Variants in MAMLD1 observed in about 807,000 individuals in gnomAD.
The protein encoded by MAMLD1 is mastermind-like domain-containing protein 1.
Under a neutral mutation model 45.0 loss-of-function variants are expected in MAMLD1, and 14 were observed. The ratio of observed to expected loss-of-function variants is 0.31; its 90% CI spans 0.21 to 0.49. MAMLD1 has a LOEUF of 0.49. MAMLD1 is among the 20% of genes least tolerant of loss of function. The pLI is 0.99. For missense variants in MAMLD1, 543 were observed against 603.6 expected, an observed-to-expected ratio of 0.90 and a Z score of 1.05; for synonymous variants, 254 against 247.8, an observed-to-expected ratio of 1.02 and a Z score of -0.24.
At chrX:150,395,005 C>T (rs1338232132) in intron 1 of MAMLD1, among the ~76,000 whole-genome samples, 5 of 111,964 alleles carry the variant, frequency 4.5e-5, no homozygotes, top group Admixed American at 1.9e-4. Context: ...ACATACTTGC[C>T]TTGTTCCCAA....
At chrX:150,451,104 C>T (rs1412113399) in intron 2 of MAMLD1, among the ~76,000 whole-genome samples, 3 of 112,707 alleles carry the variant, frequency 2.7e-5, no homozygotes, top group African/African-American at 9.7e-5. Flanking sequence ...GCTTGGTAAA[C>T]CAGTGACCTG....
upstream of MAMLD1, among the ~76,000 whole-genome samples, chrX:150,361,969 C>A (rs896822743): frequency 1.3e-4 from 15 of 112,897 alleles, no homozygotes; most frequent in African/African-American, 4.2e-4. Flanking sequence ...GACTGGCCAG[C>A]GAGCCTGGAC....
chrX:150,404,383 A>G (rs1194993483), intron 1 of MAMLD1, among the ~76,000 whole-genome samples: 1 of 111,877 alleles, frequency 8.9e-6, no homozygotes, highest in Non-Finnish European at 1.9e-5. Flanking sequence ...ATTCTCACCC[A>G]GAAAGCTAAG....
chrX:150,445,709 G>A (rs1196321316), intron 2 of MAMLD1, 97 bp downstream of exon 2: 3 of 641,974 alleles, frequency 4.7e-6, no homozygotes, highest in East Asian at 3.5e-5. Context: ...TGCAAACTTG[G>A]TGGCAGGGAT....
chrX:150,365,122 C>T (rs1341700438), intron 1 of MAMLD1, among the ~76,000 whole-genome samples: 1 of 109,243 alleles, frequency 9.2e-6, no homozygotes, highest in African/African-American at 3.3e-5. Context: ...CCCCCGCCGC[C>T]GCCGCCGCCA....
chrX:150,406,853 C>G (rs2124529864), intron 1 of MAMLD1, among the ~76,000 whole-genome samples: 1 of 111,572 alleles, frequency 9.0e-6, no homozygotes, highest in Admixed American at 9.5e-5. Context: ...AAAGCTTCTT[C>G]TCAGCCATTT....
intron 5 of MAMLD1, among the ~76,000 whole-genome samples, chrX:150,499,642 T>C (rs2037493605): frequency 1.8e-5 from 2 of 111,449 alleles, no homozygotes; most frequent in Non-Finnish European, 3.8e-5. Flanking sequence ...GGTTGCTTGG[T>C]TTCTAGCTTG....
At chrX:150,420,816 C>G (rs1190554949) in intron 1 of MAMLD1, among the ~76,000 whole-genome samples, 4 of 110,968 alleles carry the variant, frequency 3.6e-5, no homozygotes, top group African/African-American at 1.0e-4. Context: ...CAGCTGTGTG[C>G]TGGGAGAACC....
chrX:150,408,758 C>T (rs1410466901), intron 1 of MAMLD1, among the ~76,000 whole-genome samples: 8 of 111,888 alleles, frequency 7.2e-5, no homozygotes, highest in Non-Finnish European at 7.5e-5. Flanking sequence ...TCAGGGCCAA[C>T]GCGGGGGAGT....
intron 6 of MAMLD1, chrX:150,509,635 G>A (rs1449658321): frequency 1.8e-5 from 5 of 271,506 alleles, no homozygotes; most frequent in South Asian, 1.2e-4. Flanking sequence ...TTTGGTGACC[G>A]CATCTCACTG....
At chrX:150,485,916 C>T (rs1438036393) in intron 5 of MAMLD1, among the ~76,000 whole-genome samples, 5 of 111,718 alleles carry the variant, frequency 4.5e-5, no homozygotes, top group African/African-American at 1.6e-4. Flanking sequence ...CATTAAAAAT[C>T]GGGTGTTTTT....
At chrX:150,363,626 G>A (rs1277790295) in intron 1 of MAMLD1, 96 bp downstream of exon 1, 5 of 112,300 alleles carry the variant, frequency 4.5e-5, no homozygotes, top group Admixed American at 1.9e-4. Flanking sequence ...TGAGGATCGG[G>A]GTCCCAGGGG....
In MAMLD1 at chrX:150,512,880, A is replaced by T. The variant is rs1010571355; in HGVS notation, c.*921A>T. 5 of 1,153,609 alleles carry T rather than the reference A, an allele frequency of 4.3e-6. No individual in the cohort carries two copies. The African/African-American group carries it at 9.0e-5, about 21-fold the overall frequency. ...CGCCAGCCCCAACCCCCACTAAATG[A>T]TCTGATTTCGTCACCTGACTGCAAT... On this transcript the variant is annotated 3_prime_UTR_variant, in exon 8 of 8. Transcript: ENST00000370401.
intron 2 of MAMLD1, among the ~76,000 whole-genome samples, chrX:150,450,706 A>G (rs1366758843): frequency 9.0e-6 from 1 of 111,156 alleles, no homozygotes; most frequent in Non-Finnish European, 1.9e-5. Flanking sequence ...AGAGGTTGGC[A>G]TTGGCTCAGA....
intron 5 of MAMLD1, among the ~76,000 whole-genome samples, chrX:150,492,126 C>T (rs1557407966): frequency 8.9e-6 from 1 of 112,818 alleles, no homozygotes. Context: ...ACCATTCCTT[C>T]ATCTGGTTCA....
At chrX:150,420,850 A>G (rs1252082795) in intron 1 of MAMLD1, 1 of 112,232 alleles carries the variant, frequency 8.9e-6, no homozygotes, top group East Asian at 2.8e-4. Context: ...AAGCTGTCAG[A>G]CAGGGACATT....
rs782238955 is a variant in MAMLD1 at position 150,462,786 on chromosome X, G to A, written c.111G>A (p.Ser37=). ...CTCACCCCCAGGGAAAGAAGCCCTC[G>A]TGGATGGAGGAAGAAGATTTATCTT... The part of the protein sequence containing the change: ...RKLQESGKKP[S]WMEEEDLSFL... The change falls in exon 3 of 8, where the codon TCG becomes TCA. Residue 37 remains serine (S), a synonymous_variant. Coordinates refer to ENST00000370401, the MANE Select transcript of MAMLD1 (RefSeq NM_005491.5). 34 of 1,208,460 alleles carry A rather than the reference G, an allele frequency of 2.8e-5. 1 individual carries two copies. Among genetic ancestry groups the A allele is most frequent in the East Asian group, 8.9e-5 (3 of 33,778 alleles).
chrX:150,394,787 C>T (rs1225153565), intron 1 of MAMLD1, among the ~76,000 whole-genome samples: 1 of 111,087 alleles, frequency 9.0e-6, no homozygotes, highest in Non-Finnish European at 1.9e-5. Context: ...TGTCCTGTAA[C>T]CTTGCTATAA....
At chrX:150,400,372 T>C (rs1557402383) in intron 1 of MAMLD1, among the ~76,000 whole-genome samples, 1 of 111,462 alleles carries the variant, frequency 9.0e-6, no homozygotes, top group East Asian at 2.8e-4. Flanking sequence ...GACAATGGGG[T>C]TTTCTAGATA....
Sources: gnomAD v4.1 joint callset for allele counts (sites outside exome capture counted in the v4.1 genomes callset) on GRCh38, gnomAD v4.1.1 for gene constraint, MANE v1.5 for transcripts, NCBI Gene and HGNC (gene_info 2026-07-23, HGNC 2026-07-21) for gene names.